The following COL4A2 variants were observed in gnomAD, a reference collection of about 807,000 sequenced individuals.
COL4A2 encodes the protein collagen type IV alpha 2 chain.
In COL4A2, 99 loss-of-function variants were observed where a neutral mutation model predicts 200.2. The observed-to-expected ratio is 0.49, with a 90% confidence interval of 0.42 to 0.58. The LOEUF (loss-of-function observed/expected upper bound fraction) is 0.58, where lower values mean the gene tolerates loss of function less well. Ranked by LOEUF, COL4A2 falls within the 20% of genes least tolerant of loss-of-function variation. The pLI, the probability that COL4A2 is intolerant of heterozygous loss-of-function variation, is 0.00. For synonymous variants in COL4A2, 897 were observed against 900.6 expected, an observed-to-expected ratio of 1.00 and a Z score of 0.07; for missense variants, 1,950 against 2,314.1, an observed-to-expected ratio of 0.84 and a Z score of 3.23.
chr13:110,434,333 G>GA, intron 11 of COL4A2, 68 bp from the exon 12 acceptor site: 2 of 1,503,664 alleles, frequency 1.3e-6, no homozygotes, highest in Non-Finnish European at 1.8e-6. Context: ...CTTTTTCTAA[G>GA]AAAAATAATT....
At position 110,403,851 on chromosome 13, in the gene COL4A2, A is replaced by G. The variant is rs532903885; in HGVS notation, c.181-20883A>G. ...AAAATACCTTAAGAGTAGGTGATTT[A>G]TGTACAACAGAATGTTATTGCTCAT... On this transcript the variant is annotated intron_variant, in intron 4 of 47. Transcript: ENST00000360467. Among the ~76,000 whole-genome samples the G allele has an allele frequency of 4.6e-5, 7 of 152,358 alleles. No homozygotes were observed. In the South Asian group the frequency reaches 8.3e-4, roughly 18 times the overall value.
At position 110,489,513 on chromosome 13, in the gene COL4A2, G is replaced by A. The variant is rs972486192; in HGVS notation, c.3271+5G>A. 1.2e-6 allele frequency: 2 copies of A among 1,614,202 alleles called. No homozygotes were observed. Among genetic ancestry groups the A allele is most frequent in the African/African-American group, 1.3e-5 (1 of 75,054 alleles). ...TTGGCGCGACTGGTGATTTCGGTGA[G>A]TGTTGCCCGTCCAGTGAAAACAGGG... On this transcript the variant is annotated splice_donor_5th_base_variant and intron_variant, in intron 35 of 47. Coordinates refer to ENST00000360467, the MANE Select transcript of COL4A2 (RefSeq NM_001846.4).
In COL4A2 at chr13:110,344,562, C is replaced by T. The variant is rs138481972; in HGVS notation, c.100-12910C>T. ...CATTTTTCCCAGCATGGTGTTTGTACCACTGAGTAACAGGATAGCTGAGGG... is the reference window on the plus strand; with the variant it reads ...CATTTTTCCCAGCATGGTGTTTGTATCACTGAGTAACAGGATAGCTGAGGG... On this transcript the variant is annotated intron_variant, in intron 3 of 47. Transcript: ENST00000360467. 1.3e-3 allele frequency among the ~76,000 whole-genome samples: 204 copies of T among 152,260 alleles called. 2 individuals are homozygous for T. Among genetic ancestry groups the T allele is most frequent in the African/African-American group, 4.8e-3 (200 of 41,552 alleles).
intron 3 of COL4A2, among the ~76,000 whole-genome samples, chr13:110,324,006 T>A (rs1478367124): frequency 6.6e-6 from 1 of 152,128 alleles, no homozygotes; most frequent in Non-Finnish European, 1.5e-5. Flanking sequence ...GTCGAAAAAA[T>A]TATTGGGTAG....
chr13:110,443,590 G>A (rs1010552666), intron 16 of COL4A2, among the ~76,000 whole-genome samples: 1 of 152,198 alleles, frequency 6.6e-6, no homozygotes, highest in African/African-American at 2.4e-5. Context: ...TAGATTTGGG[G>A]GAGGGCCGGG....
At chr13:110,365,687 G>A (rs1047392745) in intron 4 of COL4A2, among the ~76,000 whole-genome samples, 1 of 152,092 alleles carries the variant, frequency 6.6e-6, no homozygotes, top group African/African-American at 2.4e-5. Context: ...GAGTCACCCT[G>A]GCCCCATTGC....
Position 110,447,087 on chromosome 13 carries a change from C to A in COL4A2, c.1078+223C>A, listed in dbSNP as rs545405741. Among the ~76,000 whole-genome samples the A allele has an allele frequency of 8.5e-5, 13 of 152,348 alleles. No individual in the cohort carries two copies. The South Asian group carries it at 1.7e-3, about 19-fold the overall frequency. Reference sequence around the variant, plus strand: ...TGTCACAGGGAGACCTTCATGTTGCCTGTGCCTGAGACAGTCCTCACCACC... The same window carrying A: ...TGTCACAGGGAGACCTTCATGTTGCATGTGCCTGAGACAGTCCTCACCACC... On this transcript the variant is annotated intron_variant, in intron 18 of 47. Coordinates refer to ENST00000360467, the MANE Select transcript of COL4A2 (RefSeq NM_001846.4).
intron 3 of COL4A2, among the ~76,000 whole-genome samples, chr13:110,329,300 A>T (rs1566475707): frequency 6.6e-6 from 1 of 152,206 alleles, no homozygotes; most frequent in African/African-American, 2.4e-5. Context: ...AGCAGCAACC[A>T]CCCTCCACCA....
At chr13:110,405,364 G>A (rs1464541528) in intron 4 of COL4A2, among the ~76,000 whole-genome samples, 1 of 152,188 alleles carries the variant, frequency 6.6e-6, no homozygotes, top group African/African-American at 2.4e-5. Flanking sequence ...CAACAAGGCT[G>A]TATGGAAGCC....
chr13:110,381,845 TG>T (rs1242318087), intron 4 of COL4A2, among the ~76,000 whole-genome samples: 1 of 152,198 alleles, frequency 6.6e-6, no homozygotes, highest in Admixed American at 6.5e-5. Flanking sequence ...AAAATGGTGG[TG>T]GTGATGATAA....
intron 3 of COL4A2, among the ~76,000 whole-genome samples, chr13:110,326,305 A>G (rs936920992): frequency 2.6e-5 from 4 of 152,202 alleles, no homozygotes; most frequent in African/African-American, 9.7e-5. Flanking sequence ...TACAGTGTAC[A>G]TAAGGTACTT....
In COL4A2 at chr13:110,450,395, C is replaced by T. The variant is rs780436805; in HGVS notation, c.1280C>T (p.Pro427Leu). Residue 427 changes from proline (P) to leucine (L), a missense_variant, in exon 20 of 48, where the codon CCT becomes CTT. Physicochemically the swap from Pro to Leu is moderately conservative, Grantham distance 98. Transcript: ENST00000360467. ...GCGCTCTACGGGGGCCCACCTGGAC[C>T]TGATGGAAAGCGAGGGCCTCCAGGA... ...IPALYGGPPGPDGKRGPPGPP... is the reference protein window; with the variant it reads ...IPALYGGPPGLDGKRGPPGPP... The T allele has an allele frequency of 7.4e-6, 12 of 1,613,960 alleles. No homozygotes were observed. The highest frequency in any genetic ancestry group is 9.3e-6 in the Non-Finnish European group (11 of 1,180,010).
At chr13:110,331,681 C>T (rs914942395) in intron 3 of COL4A2, among the ~76,000 whole-genome samples, 13 of 152,214 alleles carry the variant, frequency 8.5e-5, no homozygotes, top group East Asian at 3.9e-4. Flanking sequence ...TTCCAAACAC[C>T]GACTCAAAAC....
intron 3 of COL4A2, among the ~76,000 whole-genome samples, chr13:110,350,021 C>A (rs1473819192): frequency 2.6e-5 from 4 of 152,142 alleles, no homozygotes; most frequent in Non-Finnish European, 5.9e-5. Flanking sequence ...CCTAGGCCTC[C>A]CAAAGTGCTA....
At chr13:110,351,007 T>G (rs1876931604) in intron 3 of COL4A2, among the ~76,000 whole-genome samples, 1 of 152,210 alleles carries the variant, frequency 6.6e-6, no homozygotes, top group Non-Finnish European at 1.5e-5. Context: ...GTCCAGTGTC[T>G]TCTTTGCTAC....
intron 20 of COL4A2, among the ~76,000 whole-genome samples, chr13:110,453,770 A>C (rs1306805456): frequency 6.6e-6 from 1 of 152,204 alleles, no homozygotes; most frequent in Admixed American, 6.5e-5. Flanking sequence ...AAAGCATACA[A>C]CTTAAGTCCT....
At chr13:110,471,073 G>A (rs1353930514) in intron 28 of COL4A2, among the ~76,000 whole-genome samples, 1 of 152,200 alleles carries the variant, frequency 6.6e-6, no homozygotes, top group Non-Finnish European at 1.5e-5. Context: ...ATTTAGAAGT[G>A]TAACATTGCC....
chr13:110,465,887 C>A, intron 25 of COL4A2, 116 bp from the exon 26 acceptor site: 1 of 1,295,392 alleles, frequency 7.7e-7, no homozygotes, highest in Non-Finnish European at 1.1e-6. Flanking sequence ...CAAAGCCTTC[C>A]TGCCCCCACC....
intron 11 of COL4A2, among the ~76,000 whole-genome samples, chr13:110,433,714 G>A (rs1357095840): frequency 6.6e-6 from 1 of 152,246 alleles, no homozygotes; most frequent in Non-Finnish European, 1.5e-5. Flanking sequence ...GGGAGTAGAA[G>A]AGGACAGTGC....
Sources: gnomAD v4.1 joint callset for allele counts (sites outside exome capture counted in the v4.1 genomes callset) on GRCh38, gnomAD v4.1.1 for gene constraint, MANE v1.5 for transcripts, NCBI Gene and HGNC (gene_info 2026-07-23, HGNC 2026-07-21) for gene names.